The following ELAVL2 variants were observed in gnomAD, a reference collection of about 807,000 sequenced individuals.
ELAVL2 encodes ELAV-like protein 2.
In ELAVL2, 4 loss-of-function variants were observed where a neutral mutation model predicts 34.6. The observed-to-expected ratio is 0.12, with a 90% CI of 0.06 to 0.26. The LOEUF (loss-of-function observed/expected upper bound fraction) is 0.26, where lower values mean the gene tolerates loss of function less well. ELAVL2 is among the 10% of genes least tolerant of loss of function. The probability of loss-of-function intolerance (pLI) is 1.00; values close to 1 mark genes in which losing one functional copy is unlikely to be tolerated. For missense variants in ELAVL2, 432 were observed against 442.8 expected (o/e 0.98, Z 0.22); for synonymous variants, 193 against 154.8 (o/e 1.25, Z -1.83).
intron 2 of ELAVL2, among the ~76,000 whole-genome samples, chr9:23,741,176 G>T (rs1370180579): frequency 6.6e-6 from 1 of 152,132 alleles, no homozygotes; most frequent in Non-Finnish European, 1.5e-5. Context: ...ACAAATTAAG[G>T]TAATAGGAAC....
Position 23,708,618 on chromosome 9 carries a change from T to C in ELAVL2, c.334-3547A>G, listed in dbSNP as rs144273607. Among the ~76,000 whole-genome samples the C allele has an allele frequency of 8.1e-3, 1,240 of 152,300 alleles. 11 individuals are homozygous for C. The highest frequency in any genetic ancestry group is 0.01 in the Non-Finnish European group (697 of 68,012). On this transcript the variant is annotated intron_variant, in intron 3 of 6. Coordinates refer to ENST00000397312, the MANE Select transcript of ELAVL2 (RefSeq NM_004432.5). ...CTGGCCACAGACAGAAAACAGGATG[T>C]TGCTAGAAATTAGTTAAAAGTTATT...
intron 1 of ELAVL2, among the ~76,000 whole-genome samples, chr9:23,809,202 T>TG (rs1170678413): frequency 2.2e-4 from 33 of 152,286 alleles, no homozygotes; most frequent in African/African-American, 7.7e-4. Flanking sequence ...CAGAGGCACC[T>TG]GCTTGAAATA....
At chr9:23,783,950 T>G (rs1014451931) in intron 1 of ELAVL2, among the ~76,000 whole-genome samples, 3 of 151,972 alleles carry the variant, frequency 2.0e-5, no homozygotes, top group Non-Finnish European at 4.4e-5. Context: ...ATCCCAGCAC[T>G]TTGGGAGGCT....
At chr9:23,736,238 G>C (rs2047856111) in intron 2 of ELAVL2, among the ~76,000 whole-genome samples, 1 of 151,826 alleles carries the variant, frequency 6.6e-6, no homozygotes, top group Non-Finnish European at 1.5e-5. Flanking sequence ...TATTAAACAA[G>C]ACCCTCAACA....
At chr9:23,720,670 T>A (rs1587684278) in intron 3 of ELAVL2, among the ~76,000 whole-genome samples, 1 of 152,210 alleles carries the variant, frequency 6.6e-6, no homozygotes, top group African/African-American at 2.4e-5. Flanking sequence ...TAAAAACACA[T>A]TAGTGAATCC....
intron 5 of ELAVL2, among the ~76,000 whole-genome samples, chr9:23,698,483 A>G (rs928725903): frequency 3.3e-5 from 5 of 152,214 alleles, no homozygotes; most frequent in Admixed American, 1.3e-4. Flanking sequence ...TATGATTATT[A>G]AAAGTATTCT....
intron 5 of ELAVL2, among the ~76,000 whole-genome samples, chr9:23,696,582 C>T (rs1331068583): frequency 6.6e-6 from 1 of 152,210 alleles, no homozygotes; most frequent in Non-Finnish European, 1.5e-5. Flanking sequence ...CATTCTCTGG[C>T]CCCAGCCTCT....
intron 2 of ELAVL2, among the ~76,000 whole-genome samples, chr9:23,736,890 C>G (rs1056613964): frequency 6.6e-6 from 1 of 152,132 alleles, no homozygotes; most frequent in African/African-American, 2.4e-5. Context: ...TCTTCCACCA[C>G]TCCTACACAT....
intron 4 of ELAVL2, among the ~76,000 whole-genome samples, chr9:23,702,951 CAAAAAAAAAAAAAAAAAAAA>C (rs58828236): frequency 6.3e-5 from 3 of 47,626 alleles, no homozygotes; most frequent in African/African-American, 1.9e-4. Context: ...ATCAGATTAG[CAAAAAAAAAAAAAAAAAAAA>C]AAAAAAAAAA....
At chr9:23,693,291 G>T (rs72693522) in intron 6 of ELAVL2, among the ~76,000 whole-genome samples, 157 bp downstream of exon 6, 1 of 152,088 alleles carries the variant, frequency 6.6e-6, no homozygotes, top group Non-Finnish European at 1.5e-5. Flanking sequence ...AAAATTTCTT[G>T]AGTCAATTGT....
chr9:23,757,070 G>A (rs2053737686), intron 2 of ELAVL2, among the ~76,000 whole-genome samples: 1 of 152,096 alleles, frequency 6.6e-6, no homozygotes, highest in Admixed American at 6.6e-5. Context: ...GTGAGTAGGT[G>A]AGGATGTAGA....
chr9:23,812,317 A>G (rs1028371088), intron 1 of ELAVL2, among the ~76,000 whole-genome samples: 1 of 152,182 alleles, frequency 6.6e-6, no homozygotes, highest in Admixed American at 6.5e-5. Flanking sequence ...GAATATTTTT[A>G]TTGATCCTTC....
At chr9:23,803,836 T>C (rs971528678) in intron 1 of ELAVL2, among the ~76,000 whole-genome samples, 1 of 152,168 alleles carries the variant, frequency 6.6e-6, no homozygotes, top group African/African-American at 2.4e-5. Context: ...TCCCAATGTT[T>C]GCAGCAGACC....
rs1334009150 is a variant in ELAVL2, at chr9:23,691,642, A to G, written c.*915T>C. The G allele has an allele frequency of 6.6e-6, 1 of 152,560 alleles. No homozygotes were observed. Among genetic ancestry groups the G allele is most frequent in the Admixed American group, 6.6e-5 (1 of 15,262 alleles). The allele number at this position is 152,560 out of a possible 1,614,324, so 9.5% of individuals were successfully genotyped here. A position where few individuals can be genotyped will look rare whatever the true frequency, so the allele number is the denominator to read the frequency against. On this transcript the variant is annotated 3_prime_UTR_variant, in exon 7 of 7. Coordinates refer to ENST00000397312, the MANE Select transcript of ELAVL2 (RefSeq NM_004432.5). Reference sequence around the variant, plus strand: ...CACCTATCACATAATAACCAGGATGATCAGACGCTCCACTGGTGATTACAA... The same window carrying G: ...CACCTATCACATAATAACCAGGATGGTCAGACGCTCCACTGGTGATTACAA...
intron 1 of ELAVL2, among the ~76,000 whole-genome samples, chr9:23,767,146 A>G (rs183125537): frequency 6.6e-6 from 1 of 152,316 alleles, no homozygotes; most frequent in East Asian, 1.9e-4. Flanking sequence ...CGTAGGTTTT[A>G]TTGGGAAATA....
chr9:23,737,155 T>C (rs1010908387), intron 2 of ELAVL2, among the ~76,000 whole-genome samples: 3 of 152,202 alleles, frequency 2.0e-5, no homozygotes, highest in Non-Finnish European at 4.4e-5. Flanking sequence ...AAGCAGAACA[T>C]AGTTCCTGAC....
At chr9:23,745,834 A>G (rs1211280559) in intron 2 of ELAVL2, among the ~76,000 whole-genome samples, 2 of 152,166 alleles carry the variant, frequency 1.3e-5, no homozygotes, top group African/African-American at 2.4e-5. Context: ...ACTAAAAGCA[A>G]TGGGAGTCAC....
chr9:23,690,841 A>T lies in ELAVL2; in HGVS notation c.*1716T>A, dbSNP rs181727656. 1 of 152,694 alleles carries T rather than the reference A, an allele frequency of 6.5e-6. No homozygotes were observed. The highest frequency in any genetic ancestry group is 2.4e-5 in the African/African-American group (1 of 41,566). 9.5% of individuals were successfully genotyped at this position (152,694 alleles called of 1,614,324 possible). A position where few individuals can be genotyped will look rare whatever the true frequency, so the allele number is the denominator to read the frequency against. The stretch of plus-strand genomic sequence containing the variant: ...GAAAATTTATTATAAGCTAGATGCT[A>T]ATCAGAAAATATTTTGTATTTTTTA... On this transcript the variant is annotated 3_prime_UTR_variant, in exon 7 of 7. Transcript: ENST00000397312.
At chr9:23,771,173 G>T (rs1442685581) in intron 1 of ELAVL2, among the ~76,000 whole-genome samples, 2 of 152,190 alleles carry the variant, frequency 1.3e-5, no homozygotes, top group Middle Eastern at 3.2e-3. Context: ...TCCCACCAGG[G>T]TGAAGTTGGG....
Sources: allele counts gnomAD v4.1 joint callset (sites outside exome capture counted in the v4.1 genomes callset), GRCh38; gene constraint gnomAD v4.1.1; transcripts MANE v1.5; gene names NCBI Gene and HGNC (gene_info 2026-07-23, HGNC 2026-07-21).